The following RUNX2 variants were observed in gnomAD, a reference collection of about 807,000 sequenced individuals.
RUNX2 encodes RUNX family transcription factor 2.
Under a neutral mutation model 51.7 loss-of-function variants are expected in RUNX2, and 10 were observed. The ratio of observed to expected loss-of-function variants is 0.19; its 90% confidence interval spans 0.12 to 0.33. The LOEUF is 0.33. RUNX2 is among the 10% of genes least tolerant of loss of function. RUNX2 has a pLI of 1.00. For missense variants in RUNX2, 562 were observed against 691.3 expected (o/e 0.81, Z 2.10); for synonymous variants, 276 against 273.6 (o/e 1.01, Z -0.09).
intron 2 of RUNX2, among the ~76,000 whole-genome samples, chr6:45,406,245 T>C (rs1797831752): frequency 6.6e-6 from 1 of 152,084 alleles, no homozygotes; most frequent in Admixed American, 6.5e-5. Context: ...AACTTAACCA[T>C]AGCATAGGAA....
chr6:45,475,717 A>C (rs1446291779), intron 5 of RUNX2, among the ~76,000 whole-genome samples: 1 of 152,230 alleles, frequency 6.6e-6, no homozygotes, highest in African/African-American at 2.4e-5. Context: ...TATTCAACTG[A>C]TATGATTCAG....
At chr6:45,505,706 C>T (rs1439769732) in intron 6 of RUNX2, among the ~76,000 whole-genome samples, 2 of 152,168 alleles carry the variant, frequency 1.3e-5, no homozygotes, top group African/African-American at 4.8e-5. Flanking sequence ...TTGAGCACCC[C>T]CTGGGTACGG....
chr6:45,505,938 G>A (rs1429101678), intron 6 of RUNX2, among the ~76,000 whole-genome samples: 1 of 152,170 alleles, frequency 6.6e-6, no homozygotes, highest in East Asian at 1.9e-4. Context: ...ACATGCTGAA[G>A]GGATTCCTTA....
chr6:45,339,009 T>C (rs940477611), intron 2 of RUNX2, among the ~76,000 whole-genome samples: 1 of 151,948 alleles, frequency 6.6e-6, no homozygotes, highest in Non-Finnish European at 1.5e-5. Context: ...ACATAAAACA[T>C]AGAAATAAGG....
At chr6:45,424,117 C>T (rs1222851516) in intron 3 of RUNX2, among the ~76,000 whole-genome samples, 1 of 152,254 alleles carries the variant, frequency 6.6e-6, no homozygotes, top group Admixed American at 6.5e-5. Context: ...CCTCTGCGCG[C>T]CCCGCAGACT....
intron 5 of RUNX2, among the ~76,000 whole-genome samples, chr6:45,485,192 C>CT (rs199954113): frequency 2.7e-3 from 374 of 139,310 alleles, no homozygotes; most frequent in Admixed American, 4.8e-3. Context: ...TTCTTTCTTT[C>CT]TTTTTTTTTT....
intron 5 of RUNX2, among the ~76,000 whole-genome samples, chr6:45,449,319 T>C (rs947358029): frequency 6.6e-6 from 1 of 152,234 alleles, no homozygotes; most frequent in African/African-American, 2.4e-5. Context: ...GAAGGGCAGC[T>C]TAAATACCAA....
intron 2 of RUNX2, among the ~76,000 whole-genome samples, chr6:45,412,087 C>A (rs1233110204): frequency 6.6e-6 from 1 of 151,872 alleles, no homozygotes; most frequent in Non-Finnish European, 1.5e-5. Context: ...ATGGCTCACA[C>A]CTGAAATCCC....
intron 5 of RUNX2, among the ~76,000 whole-genome samples, chr6:45,438,563 CTG>C (rs1389759132): frequency 4.6e-5 from 7 of 152,198 alleles, no homozygotes; most frequent in African/African-American, 9.7e-5. Context: ...TGTTACAACA[CTG>C]TTGTTTGGTC....
intron 7 of RUNX2, 61 bp from the exon 8 acceptor site, chr6:45,545,156 T>A: frequency 7.4e-7 from 1 of 1,347,666 alleles, no homozygotes; most frequent in Non-Finnish European, 1.0e-6. Context: ...CTCTTGGAAT[T>A]CATAGTCATA....
At chr6:45,496,664 G>T (rs1308327062) in intron 6 of RUNX2, among the ~76,000 whole-genome samples, 1 of 152,168 alleles carries the variant, frequency 6.6e-6, no homozygotes, top group Non-Finnish European at 1.5e-5. Flanking sequence ...CACAATAGTG[G>T]CTTGGGTTTA....
At chr6:45,406,988 G>A (rs930846033) in intron 2 of RUNX2, among the ~76,000 whole-genome samples, 1 of 152,074 alleles carries the variant, frequency 6.6e-6, no homozygotes, top group African/African-American at 2.4e-5. Context: ...ATGAATACTT[G>A]TGTAGCTACC....
At position 45,519,832 on chromosome 6, in the gene RUNX2, GTGTGTA is replaced by G. The variant is rs1247402731; in HGVS notation, c.1021+7427_1021+7432del. Among the ~76,000 whole-genome samples the G allele has an allele frequency of 3.7e-4, 51 of 139,232 alleles. No individual in the cohort carries two copies. The East Asian group carries it at 4.6e-3, about 13-fold the overall frequency. The allele number at this position is 139,232 out of a possible 152,430, so 91.3% of individuals were successfully genotyped here. A position where few individuals can be genotyped will look rare whatever the true frequency, so the allele number is the denominator to read the frequency against. On this transcript the variant is annotated intron_variant, in intron 7 of 8. Coordinates refer to ENST00000647337, the MANE Select transcript of RUNX2 (RefSeq NM_001024630.4). ...TGTGTGTGTGTGTGTGTGTGTGTGT[GTGTGTA>G]TATATTTGAGATGGAGTTCGCTCTT...
chr6:45,417,047 C>G (rs564363729), intron 2 of RUNX2, among the ~76,000 whole-genome samples: 1 of 152,140 alleles, frequency 6.6e-6, no homozygotes, highest in Non-Finnish European at 1.5e-5. Flanking sequence ...ACAAATCAGA[C>G]AGTATTTAAC....
intron 5 of RUNX2, among the ~76,000 whole-genome samples, chr6:45,444,264 C>T (rs1208522771): frequency 2.0e-5 from 3 of 152,176 alleles, no homozygotes; most frequent in East Asian, 1.9e-4. Flanking sequence ...TTTTGTGTGT[C>T]GGGTCTCAGG....
At chr6:45,414,938 A>T (rs963061431) in intron 2 of RUNX2, among the ~76,000 whole-genome samples, 4 of 152,092 alleles carry the variant, frequency 2.6e-5, no homozygotes, top group Non-Finnish European at 5.9e-5. Flanking sequence ...CCTGTGCTTT[A>T]AAATAGCCAT....
chr6:45,375,449 T>C (rs1796644315), intron 2 of RUNX2, among the ~76,000 whole-genome samples: 1 of 152,242 alleles, frequency 6.6e-6, no homozygotes, highest in Non-Finnish European at 1.5e-5. Flanking sequence ...CATTCTGATT[T>C]GTATATTATG....
chr6:45,474,083 C>T (rs1799883023), intron 5 of RUNX2, among the ~76,000 whole-genome samples: 1 of 151,982 alleles, frequency 6.6e-6, no homozygotes, highest in Non-Finnish European at 1.5e-5. Context: ...ACCCTGAAAA[C>T]ACATCTTAAG....
At chr6:45,386,246 T>C (rs1797346372) in intron 2 of RUNX2, among the ~76,000 whole-genome samples, 1 of 152,102 alleles carries the variant, frequency 6.6e-6, no homozygotes, top group African/African-American at 2.4e-5. Flanking sequence ...TTTGTATTTT[T>C]AGTAGAGATG....
Sources: allele counts gnomAD v4.1 joint callset (sites outside exome capture counted in the v4.1 genomes callset), GRCh38; gene constraint gnomAD v4.1.1; transcripts MANE v1.5; gene names NCBI Gene and HGNC (gene_info 2026-07-23, HGNC 2026-07-21).